Variants in DPP6 observed in about 807,000 individuals in gnomAD.
DPP6 encodes A-type potassium channel modulatory protein DPP6.
A neutral mutation model predicts 122.6 loss-of-function variants in DPP6; 69 were observed. That is an observed-to-expected ratio of 0.56 (90% confidence interval 0.46 to 0.69). The LOEUF (loss-of-function observed/expected upper bound fraction) is 0.69, where lower values mean the gene tolerates loss of function less well. Among genes scored for constraint, DPP6 ranks in the 30% least tolerant of loss-of-function variants. The pLI, the probability that DPP6 is intolerant of heterozygous loss-of-function variation, is 0.00. For synonymous variants in DPP6, 418 were observed against 433.1 expected (o/e 0.97, Z 0.43); for missense variants, 928 against 1,116.9 (o/e 0.83, Z 2.41).
intron 1 of DPP6, among the ~76,000 whole-genome samples, chr7:154,399,198 T>C (rs1368678067): frequency 6.6e-6 from 1 of 152,174 alleles, no homozygotes; most frequent in Admixed American, 6.5e-5. Context: ...CTTCCTTTTT[T>C]AAAGAAAGAG....
Position 154,180,116 on chromosome 7 carries a change from G to T in DPP6, c.243+127053G>T, listed in dbSNP as rs531029655. On this transcript the variant is annotated intron_variant, in intron 1 of 25. Coordinates refer to ENST00000377770, the MANE Select transcript of DPP6 (RefSeq NM_130797.4). Reference sequence around the variant, plus strand: ...TGATCTAAGCACTTTGAGAAGCTGAGGCAAGTGGATCACCTGAAGCCAGGA... The same window carrying T: ...TGATCTAAGCACTTTGAGAAGCTGATGCAAGTGGATCACCTGAAGCCAGGA... Among the ~76,000 whole-genome samples, 149 of 152,172 alleles carry T rather than the reference G, an allele frequency of 9.8e-4. 2 individuals are homozygous for T. The highest frequency in any genetic ancestry group is 3.5e-3 in the African/African-American group (146 of 41,518).
Position 154,882,728 on chromosome 7 carries a change from G to A in DPP6, c.2133+1786G>A, listed in dbSNP as rs184398777. 1.9e-3 allele frequency among the ~76,000 whole-genome samples: 287 copies of A among 151,978 alleles called. 1 individual carries two copies. Among genetic ancestry groups the A allele is most frequent in the African/African-American group, 6.5e-3 (271 of 41,436 alleles). On this transcript the variant is annotated intron_variant, in intron 21 of 25. Coordinates refer to ENST00000377770, the MANE Select transcript of DPP6 (RefSeq NM_130797.4). ...TCTCTCATTTAAACCAGAGCAGGCCGCGTGGCCCTGCAGGAAAATGAGATT... is the reference window on the plus strand; with the variant it reads ...TCTCTCATTTAAACCAGAGCAGGCCACGTGGCCCTGCAGGAAAATGAGATT...
At chr7:153,991,383 G>A (rs1797170884) in intron 1 of DPP6, among the ~76,000 whole-genome samples, 1 of 152,166 alleles carries the variant, frequency 6.6e-6, no homozygotes, top group Non-Finnish European at 1.5e-5. Flanking sequence ...GAATTAAATA[G>A]TTTACATCCA....
chr7:154,272,694 C>T (rs914631413), intron 1 of DPP6, among the ~76,000 whole-genome samples: 1 of 152,176 alleles, frequency 6.6e-6, no homozygotes, highest in African/African-American at 2.4e-5. Flanking sequence ...CATTAAAGTC[C>T]TTAGACCACG....
chr7:154,758,895 G>A (rs1320279892), intron 8 of DPP6, among the ~76,000 whole-genome samples: 3 of 152,154 alleles, frequency 2.0e-5, no homozygotes, highest in African/African-American at 4.8e-5. Context: ...GGGTCCCACC[G>A]CCTGTTTGCG....
chr7:153,888,482 C>T (rs1799042050), intron 1 of DPP6, among the ~76,000 whole-genome samples: 1 of 152,180 alleles, frequency 6.6e-6, no homozygotes, highest in Non-Finnish European at 1.5e-5. Flanking sequence ...CTCGCCGCTC[C>T]CCGCTGACCC....
chr7:153,906,373 A>C (rs973050563), intron 1 of DPP6, among the ~76,000 whole-genome samples: 1 of 152,138 alleles, frequency 6.6e-6, no homozygotes, highest in African/African-American at 2.4e-5. Context: ...TTTGGAATCT[A>C]CAGTGTCTAT....
chr7:154,585,155 A>T (rs1832357473), intron 5 of DPP6, among the ~76,000 whole-genome samples: 1 of 152,142 alleles, frequency 6.6e-6, no homozygotes, highest in Non-Finnish European at 1.5e-5. Flanking sequence ...AAGGTCATAT[A>T]AATGGCATCA....
chr7:154,058,491 C>T lies in DPP6; in HGVS notation c.243+5428C>T, dbSNP rs796823383. ...CCCCCATCGTAGGGGGGGGGAGGCA[C>T]CCTCCGCGAGGCAGGGACTGAGAGC... is the stretch of plus-strand genomic sequence containing the variant. On this transcript the variant is annotated intron_variant, in intron 1 of 25. Transcript: ENST00000377770. 2.9e-5 allele frequency: 4 copies of T among 136,044 alleles called. No individual in the cohort carries two copies. In the East Asian group the frequency reaches 7.3e-4, roughly 25 times the overall value. 8.4% of individuals were successfully genotyped at this position (136,044 alleles called of 1,614,324 possible).
chr7:154,849,093 G>A (rs1207727453), intron 16 of DPP6, among the ~76,000 whole-genome samples: 3 of 152,122 alleles, frequency 2.0e-5, no homozygotes, highest in Non-Finnish European at 2.9e-5. Flanking sequence ...ATCAGGCGGT[G>A]TGATGCCTCC....
intron 1 of DPP6, among the ~76,000 whole-genome samples, chr7:153,956,699 T>G (rs895159924): frequency 2.0e-5 from 3 of 152,180 alleles, no homozygotes; most frequent in African/African-American, 7.2e-5. Context: ...AGCCTGTCAT[T>G]GGGCAGATTT....
rs1036856083 is a variant in DPP6 at position 154,755,921 on chromosome 7, A to G, written c.884-13496A>G. ...GTCCTCACCACGTCTTTTTATTATG[A>G]AAAGGAAGAGTGGCGAGGACTTGAG... is the stretch of plus-strand genomic sequence containing the variant. On this transcript the variant is annotated intron_variant, in intron 8 of 25. Coordinates refer to ENST00000377770, the MANE Select transcript of DPP6 (RefSeq NM_130797.4). This position sits in a 1 kb window ranked among gnomAD's most constrained non-coding sequence, Gnocchi z 4.7. Among the ~76,000 whole-genome samples the G allele has an allele frequency of 6.6e-6, 1 of 152,178 alleles. No individual in the cohort carries two copies. The highest frequency in any genetic ancestry group is 2.4e-5 in the African/African-American group (1 of 41,440).
chr7:153,893,076 A>T (rs1193625705), intron 1 of DPP6, among the ~76,000 whole-genome samples: 1 of 152,226 alleles, frequency 6.6e-6, no homozygotes, highest in Admixed American at 6.5e-5. Context: ...CAGAAAGAAG[A>T]TCCCAAAGCC....
intron 8 of DPP6, among the ~76,000 whole-genome samples, chr7:154,762,056 G>T (rs6597423): frequency 6.6e-6 from 1 of 151,970 alleles, no homozygotes; most frequent in Non-Finnish European, 1.5e-5. Context: ...AGGACAGCAC[G>T]GAGTAGATGG....
intron 1 of DPP6, among the ~76,000 whole-genome samples, chr7:154,220,434 G>GGAGA (rs1289242066): frequency 6.6e-6 from 1 of 152,182 alleles, no homozygotes; most frequent in East Asian, 1.9e-4. Flanking sequence ...GAAGGTGGGA[G>GGAGA]GAGAGAGAGG....
At chr7:153,899,072 C>T (rs1043602141) in intron 1 of DPP6, among the ~76,000 whole-genome samples, 1 of 152,026 alleles carries the variant, frequency 6.6e-6, no homozygotes, top group African/African-American at 2.4e-5. Flanking sequence ...AAAACAAATG[C>T]CCTCCTGTAG....
chr7:154,175,978 A>G (rs1797783183), intron 1 of DPP6, among the ~76,000 whole-genome samples: 1 of 152,104 alleles, frequency 6.6e-6, no homozygotes, highest in Non-Finnish European at 1.5e-5. Flanking sequence ...ATGAGCCACC[A>G]TGCCCAGCCA....
intron 1 of DPP6, among the ~76,000 whole-genome samples, chr7:154,309,469 G>A (rs1461044161): frequency 2.0e-5 from 3 of 152,138 alleles, no homozygotes; most frequent in Non-Finnish European, 2.9e-5. Context: ...CCATAGAACG[G>A]ACATTGAAAT....
At chr7:154,761,689 CCA>C (rs1563182054) in intron 8 of DPP6, among the ~76,000 whole-genome samples, 1 of 145,488 alleles carries the variant, frequency 6.9e-6, no homozygotes, top group African/African-American at 2.4e-5. Flanking sequence ...GAGGGAGGCA[CCA>C]CACTTTTTTT....
Sources: gnomAD v4.1 joint callset for allele counts (sites outside exome capture counted in the v4.1 genomes callset) on GRCh38, gnomAD v4.1.1 for gene constraint, Gnocchi (gnomAD v3.1) non-coding constraint, MANE v1.5 for transcripts, NCBI Gene and HGNC (gene_info 2026-07-23, HGNC 2026-07-21) for gene names.